TTC7A: variants seen among roughly 807,000 people sequenced by gnomAD.
TTC7A encodes the protein tetratricopeptide repeat protein 7A.
TTC7A carries 110 observed loss-of-function variants against 103.7 expected under a neutral mutation model. The observed-to-expected ratio is 1.06, with a 90% CI of 0.91 to 1.24. TTC7A has a LOEUF of 1.24. Ranked by LOEUF, TTC7A falls within the 50% of genes most tolerant of loss-of-function variation. The pLI is 0.00. For missense variants in TTC7A, 1,340 were observed against 1,116.3 expected (o/e 1.20, Z -2.86); for synonymous variants, 521 against 467.9 (o/e 1.11, Z -1.47).
At chr2:47,014,463 C>T (rs1287558212) in intron 11 of TTC7A, among the ~76,000 whole-genome samples, 1 of 152,190 alleles carries the variant, frequency 6.6e-6, no homozygotes, top group African/African-American at 2.4e-5. Context: ...CGTGTTTGAG[C>T]CCCTTTTTCT....
intron 16 of TTC7A, among the ~76,000 whole-genome samples, chr2:47,049,657 G>A (rs908621657): frequency 1.3e-5 from 2 of 152,040 alleles, no homozygotes; most frequent in Non-Finnish European, 2.9e-5. Flanking sequence ...GCTCCCCCTG[G>A]CCTGGGGAGC....
intron 12 of TTC7A, among the ~76,000 whole-genome samples, chr2:47,022,362 G>C (rs1344337459): frequency 6.6e-6 from 1 of 152,176 alleles, no homozygotes; most frequent in African/African-American, 2.4e-5. Flanking sequence ...TCATAGGCCT[G>C]CCTTTAACCT....
intron 14 of TTC7A, among the ~76,000 whole-genome samples, chr2:47,024,632 G>C (rs1475818286): frequency 6.6e-6 from 1 of 152,088 alleles, no homozygotes; most frequent in African/African-American, 2.4e-5. Flanking sequence ...ATGTTGATGA[G>C]TGACCACCTG....
At chr2:47,017,794 G>A (rs1274951687) in intron 11 of TTC7A, among the ~76,000 whole-genome samples, 4 of 152,108 alleles carry the variant, frequency 2.6e-5, no homozygotes, top group Non-Finnish European at 5.9e-5. Flanking sequence ...ATTCCAGAGG[G>A]TCTTTGATGC....
chr2:47,044,310 C>T (rs535505043), intron 15 of TTC7A, among the ~76,000 whole-genome samples: 1 of 152,194 alleles, frequency 6.6e-6, no homozygotes, highest in African/African-American at 2.4e-5. Context: ...TTATAGCGCT[C>T]TAATTGTTGT....
intron 19 of TTC7A, among the ~76,000 whole-genome samples, chr2:47,063,341 A>G (rs1683939430): frequency 6.6e-6 from 1 of 152,268 alleles, no homozygotes; most frequent in South Asian, 2.1e-4. Context: ...GGCAAAGCAC[A>G]GCATGGAGTA....
chr2:47,044,407 C>T (rs1483429474), intron 15 of TTC7A, among the ~76,000 whole-genome samples: 2 of 152,176 alleles, frequency 1.3e-5, no homozygotes, highest in East Asian at 3.8e-4. Flanking sequence ...CTTTGCAAAC[C>T]TGCGGAAGGA....
chr2:46,958,970 G>A (rs1459234265), intron 3 of TTC7A, among the ~76,000 whole-genome samples: 1 of 152,162 alleles, frequency 6.6e-6, no homozygotes, highest in Non-Finnish European at 1.5e-5. Context: ...CCCTCGTTGA[G>A]CCCCCTCTGT....
chr2:46,994,664 G>C (rs1675980232), intron 7 of TTC7A, 150 bp downstream of exon 7: 2 of 783,652 alleles, frequency 2.6e-6, no homozygotes, highest in South Asian at 1.7e-5. Flanking sequence ...GCAGGAGCCA[G>C]ATGAACTAGA....
At chr2:46,953,352 G>A (rs1376254047) in intron 2 of TTC7A, among the ~76,000 whole-genome samples, 2 of 152,138 alleles carry the variant, frequency 1.3e-5, no homozygotes, top group Non-Finnish European at 2.9e-5. Flanking sequence ...ACAAAGTCTT[G>A]TCATATTGCT....
In TTC7A at chr2:47,072,719, C is replaced by G. The variant is rs557708993; in HGVS notation, c.2356-983C>G. On this transcript the variant is annotated intron_variant, in intron 19 of 19. Coordinates refer to ENST00000319190, the MANE Select transcript of TTC7A (RefSeq NM_020458.4). ...CGTCTTGGAACAAGAGAAGGGCCCC[C>G]CGTGCTGTCATCTCATGCCACCCTC... 2.0e-5 allele frequency among the ~76,000 whole-genome samples: 3 copies of G among 152,310 alleles called. No homozygotes were observed. The East Asian group carries it at 5.8e-4, about 29-fold the overall frequency.
Position 47,073,944 on chromosome 2 carries a change from G to C in TTC7A, c.*21G>C. The C allele has an allele frequency of 1.3e-6, 2 of 1,595,412 alleles. No individual in the cohort carries two copies. Among genetic ancestry groups the C allele is most frequent in the Non-Finnish European group, 1.7e-6 (2 of 1,169,236 alleles). On this transcript the variant is annotated 3_prime_UTR_variant, in exon 20 of 20. Coordinates refer to ENST00000319190, the MANE Select transcript of TTC7A (RefSeq NM_020458.4). ...TCTGACGACGCTGCAGCCGCAGGGA[G>C]GGAGGGGCTGGCCAGAGGGAGAGGC...
chr2:47,023,665 GC>G (rs1269458186), intron 13 of TTC7A, among the ~76,000 whole-genome samples, 200 bp downstream of exon 13: 2 of 152,130 alleles, frequency 1.3e-5, no homozygotes, highest in Non-Finnish European at 1.5e-5. Flanking sequence ...GCTCTGGGGG[GC>G]TCCAGCAGCC....
At chr2:46,933,550 A>AC (rs1056034251) in intron 2 of TTC7A, among the ~76,000 whole-genome samples, 1 of 152,208 alleles carries the variant, frequency 6.6e-6, no homozygotes, top group Non-Finnish European at 1.5e-5. Flanking sequence ...TTTAATGACA[A>AC]CATTCTGGGA....
At chr2:46,992,779 T>A (rs1302857586) in intron 5 of TTC7A, among the ~76,000 whole-genome samples, 3 of 152,050 alleles carry the variant, frequency 2.0e-5, no homozygotes, top group African/African-American at 7.2e-5. Flanking sequence ...GGGGTAGAGG[T>A]AGAAGGAAAA....
At position 47,027,693 on chromosome 2, in the gene TTC7A, C is replaced by A. The variant is rs552067002; in HGVS notation, c.1642-1531C>A. 3.9e-5 allele frequency among the ~76,000 whole-genome samples: 6 copies of A among 152,310 alleles called. No individual in the cohort carries two copies. The East Asian group carries it at 1.2e-3, about 29-fold the overall frequency. On this transcript the variant is annotated intron_variant, in intron 14 of 19. Coordinates refer to ENST00000319190, the MANE Select transcript of TTC7A (RefSeq NM_020458.4). ...AGGATCAATCAGCTCAGATGACAGG[C>A]AGCAGGTGGGGGCTGCCTCAGGCAG... is the stretch of plus-strand genomic sequence containing the variant.
Position 46,935,275 on chromosome 2 carries a change from T to C in TTC7A, c.83-15088T>C, listed in dbSNP as rs140282672. Among the ~76,000 whole-genome samples, 63 of 152,258 alleles carry C rather than the reference T, an allele frequency of 4.1e-4. 2 individuals carry two copies. In the East Asian group the frequency reaches 0.011, roughly 27 times the overall value. ...ATGACAACTGTTCCTCCCCACACTC[T>C]TTCATCCTGAGCCCAGGAGTTCAAG... On this transcript the variant is annotated intron_variant, in intron 2 of 20. Coordinates refer to the TTC7A transcript ENST00000409245.
intron 8 of TTC7A, among the ~76,000 whole-genome samples, chr2:47,002,680 A>G (rs1038289598): frequency 6.6e-6 from 1 of 152,088 alleles, no homozygotes; most frequent in East Asian, 1.9e-4. Flanking sequence ...TGAGCTGCAC[A>G]TTAATTCTGT....
chr2:46,971,179 T>C (rs1208555438), intron 3 of TTC7A, among the ~76,000 whole-genome samples: 3 of 152,138 alleles, frequency 2.0e-5, no homozygotes, highest in Non-Finnish European at 4.4e-5. Context: ...GAGCCTACAG[T>C]CTGGGGAAAC....
Sources: gnomAD v4.1 joint callset for allele counts (sites outside exome capture counted in the v4.1 genomes callset) on GRCh38, gnomAD v4.1.1 for gene constraint, MANE v1.5 for transcripts, NCBI Gene and HGNC (gene_info 2026-07-23, HGNC 2026-07-21) for gene names.